Variants in CFAP61 observed in about 807,000 individuals in gnomAD.
CFAP61 encodes the protein cilia and flagella associated protein 61.
Under a neutral mutation model 135.6 loss-of-function variants are expected in CFAP61, and 107 were observed. That is an observed-to-expected ratio of 0.79 (90% CI 0.67 to 0.93). The LOEUF (loss-of-function observed/expected upper bound fraction) is 0.93. Among genes scored for constraint, CFAP61 ranks in the 40% least tolerant of loss-of-function variants. The pLI, the probability that CFAP61 is intolerant of heterozygous loss-of-function variation, is 0.00. For synonymous variants in CFAP61, 575 were observed against 578.5 expected (o/e 0.99, Z 0.09); for missense variants, 1,507 against 1,556.2 (o/e 0.97, Z 0.53).
Position 20,355,958 on chromosome 20 carries a change from A to G in CFAP61, c.3514-4252A>G, listed in dbSNP as rs369007717. Among the ~76,000 whole-genome samples the G allele has an allele frequency of 2.4e-3, 104 of 43,768 alleles. 3 individuals are homozygous for G. The highest frequency in any genetic ancestry group is 0.02 in the Middle Eastern group (1 of 50). 28.7% of individuals were successfully genotyped at this position (43,768 alleles called of 152,430 possible). On this transcript the variant is annotated intron_variant, in intron 26 of 26. Transcript: ENST00000245957. ...CTGTGAGCAGAGATGGTCACACTGT[A>G]AGGGGAGGTGATCACACTGTGAGGG...
intron 25 of CFAP61, among the ~76,000 whole-genome samples, chr20:20,339,368 C>T (rs2058353268): frequency 6.6e-6 from 1 of 152,192 alleles, no homozygotes; most frequent in Non-Finnish European, 1.5e-5. Flanking sequence ...TAAGCTTCAC[C>T]AGGATCCAAG....
At chr20:20,121,574 A>C (rs1162352030) in intron 8 of CFAP61, among the ~76,000 whole-genome samples, 1 of 152,152 alleles carries the variant, frequency 6.6e-6, no homozygotes, top group Non-Finnish European at 1.5e-5. Context: ...GGCACACCAC[A>C]ACCTCTACCT....
At chr20:20,320,755 A>G (rs1187539805) in intron 25 of CFAP61, among the ~76,000 whole-genome samples, 2 of 150,814 alleles carry the variant, frequency 1.3e-5, no homozygotes, top group African/African-American at 2.4e-5. Context: ...AATTCTCATA[A>G]TAAGGAGTTA....
At chr20:20,299,184 A>G (rs546433386) in intron 25 of CFAP61, among the ~76,000 whole-genome samples, 25 of 152,340 alleles carry the variant, frequency 1.6e-4, no homozygotes, top group African/African-American at 4.3e-4. Context: ...CATCATACAA[A>G]CAAAAAAGTA....
intron 17 of CFAP61, among the ~76,000 whole-genome samples, chr20:20,209,746 A>G (rs1160835883): frequency 2.0e-5 from 3 of 152,168 alleles, no homozygotes; most frequent in East Asian, 1.9e-4. Context: ...TTAGGCAGGT[A>G]GGAAAGACAT....
chr20:20,256,161 C>T (rs1466898584), intron 20 of CFAP61, among the ~76,000 whole-genome samples: 1 of 152,162 alleles, frequency 6.6e-6, no homozygotes, highest in East Asian at 1.9e-4. Flanking sequence ...CCAAGTGACT[C>T]CTGTCCACAG....
chr20:20,180,617 G>A (rs752864924), intron 13 of CFAP61, among the ~76,000 whole-genome samples: 1 of 152,100 alleles, frequency 6.6e-6, no homozygotes, highest in African/African-American at 2.4e-5. Flanking sequence ...CCTCAAAGAC[G>A]TAAAAGCAGA....
At chr20:20,110,402 G>A (rs1481479041) in intron 8 of CFAP61, among the ~76,000 whole-genome samples, 2 of 152,120 alleles carry the variant, frequency 1.3e-5, no homozygotes, top group East Asian at 3.9e-4. Context: ...GATTGCTATG[G>A]AGAGAAGACT....
chr20:20,072,092 T>TC, intron 3 of CFAP61, among the ~76,000 whole-genome samples: 2 of 4,720 alleles, frequency 4.2e-4, no homozygotes, highest in Non-Finnish European at 7.9e-4. Flanking sequence ...TCTAGCAATC[T>TC]TTTTTTTTTT....
At chr20:20,103,248 A>G (rs1211995780) in intron 8 of CFAP61, among the ~76,000 whole-genome samples, 1 of 152,244 alleles carries the variant, frequency 6.6e-6, no homozygotes, top group Non-Finnish European at 1.5e-5. Flanking sequence ...CCCTGAATCT[A>G]AAATGTTTAA....
At chr20:20,251,538 A>G in intron 19 of CFAP61, 57 bp from the exon 20 acceptor site, 1 of 1,564,954 alleles carries the variant, frequency 6.4e-7, no homozygotes, top group Non-Finnish European at 8.7e-7. Context: ...CCAGATGTCT[A>G]ATTAATGCCC....
intron 25 of CFAP61, among the ~76,000 whole-genome samples, chr20:20,325,712 T>A (rs929402620): frequency 2.6e-5 from 4 of 152,214 alleles, no homozygotes; most frequent in Admixed American, 2.0e-4. Context: ...AGTTTTCAAC[T>A]CTTTTGGGAC....
chr20:20,192,225 A>G (rs1235564960), intron 15 of CFAP61, among the ~76,000 whole-genome samples: 2 of 150,942 alleles, frequency 1.3e-5, no homozygotes, highest in African/African-American at 4.9e-5. Flanking sequence ...GTTGTTGTTG[A>G]ACTTTTTGGG....
At chr20:20,209,500 C>A (rs2047476264) in intron 17 of CFAP61, among the ~76,000 whole-genome samples, 1 of 152,182 alleles carries the variant, frequency 6.6e-6, no homozygotes, top group African/African-American at 2.4e-5. Flanking sequence ...ATACAGAGTA[C>A]AGAGATATAC....
At chr20:20,340,403 G>C (rs13043943) in intron 25 of CFAP61, among the ~76,000 whole-genome samples, 1 of 152,036 alleles carries the variant, frequency 6.6e-6, no homozygotes, top group African/African-American at 2.4e-5. Context: ...GGGCTTTTTA[G>C]GGCAGTGACG....
rs547151935 is a variant in CFAP61, at chr20:20,130,389, G to A, written c.860-12468G>A. Among the ~76,000 whole-genome samples, 17 of 151,886 alleles carry A rather than the reference G, an allele frequency of 1.1e-4. 1 individual carries two copies. The highest frequency in any genetic ancestry group is 3.4e-3 in the Middle Eastern group (1 of 294). On this transcript the variant is annotated intron_variant, in intron 8 of 26. Coordinates refer to ENST00000245957, the MANE Select transcript of CFAP61 (RefSeq NM_015585.4). Reference sequence around the variant, plus strand: ...GCCGTCTTATTAGGGTCAGTCACTGGCTCCTTGCTTTATCAATTTGAGAGG... The same window carrying A: ...GCCGTCTTATTAGGGTCAGTCACTGACTCCTTGCTTTATCAATTTGAGAGG...
intron 26 of CFAP61, 127 bp downstream of exon 26, chr20:20,342,048 A>C: frequency 3.4e-4 from 204 of 601,268 alleles, no homozygotes; most frequent in Middle Eastern, 1.3e-3. Flanking sequence ...ACAGTATCTC[A>C]TATAAACAAA....
chr20:20,205,076 ATATAT>A (rs1350541796), intron 17 of CFAP61, among the ~76,000 whole-genome samples: 4 of 152,028 alleles, frequency 2.6e-5, no homozygotes, highest in African/African-American at 4.8e-5. Flanking sequence ...ATAATATGTT[ATATAT>A]TATATAAGTG....
At chr20:20,081,192 T>C (rs2046406194) in intron 6 of CFAP61, among the ~76,000 whole-genome samples, 1 of 152,196 alleles carries the variant, frequency 6.6e-6, no homozygotes, top group Non-Finnish European at 1.5e-5. Flanking sequence ...AACATGTTCC[T>C]ACAAAGTAGG....
Sources: allele counts gnomAD v4.1 joint callset (sites outside exome capture counted in the v4.1 genomes callset), GRCh38; gene constraint gnomAD v4.1.1; transcripts MANE v1.5; gene names NCBI Gene and HGNC (gene_info 2026-07-23, HGNC 2026-07-21).